TMEM45A: variants seen among roughly 807,000 people sequenced by gnomAD.
The protein encoded by TMEM45A is transmembrane protein 45A, also known as DNA polymerase-transactivated protein 4.
A neutral mutation model predicts 32.0 loss-of-function variants in TMEM45A; 25 were observed. The ratio of observed to expected loss-of-function variants is 0.78; its 90% CI spans 0.57 to 1.09. The LOEUF is 1.09. TMEM45A is among the 50% of genes least tolerant of loss of function. TMEM45A has a pLI of 0.00. For synonymous variants in TMEM45A, 122 were observed against 114.8 expected, an observed-to-expected ratio of 1.06 and a Z score of -0.40; for missense variants, 302 against 325.0, an observed-to-expected ratio of 0.93 and a Z score of 0.54.
At chr3:100,536,456 T>C (rs1196080798) in intron 1 of TMEM45A, among the ~76,000 whole-genome samples, 2 of 152,216 alleles carry the variant, frequency 1.3e-5, no homozygotes, top group Non-Finnish European at 2.9e-5. Flanking sequence ...ATAAGTTCCA[T>C]GAGAACAAAG....
chr3:100,517,494 C>T (rs1708283371), intron 1 of TMEM45A, among the ~76,000 whole-genome samples: 1 of 152,238 alleles, frequency 6.6e-6, no homozygotes, highest in Admixed American at 6.5e-5. Flanking sequence ...TTTGGCACAT[C>T]CACGTAAGGG....
rs112437846 is a variant in TMEM45A at position 100,509,266 on chromosome 3, G to A, written c.-4+16338G>A. Among the ~76,000 whole-genome samples, 1,169 of 152,306 alleles carry A rather than the reference G, an allele frequency of 7.7e-3. 8 individuals are homozygous for A. Among genetic ancestry groups the A allele is most frequent in the Middle Eastern group, 0.031 (9 of 294 alleles). On this transcript the variant is annotated intron_variant, in intron 1 of 5. Transcript: ENST00000323523. ...TCACCCCAGTTGGAATGGCTGTTATGAAAATGACCAAAAGTAATAAATGCT... is the reference window on the plus strand; with the variant it reads ...TCACCCCAGTTGGAATGGCTGTTATAAAAATGACCAAAAGTAATAAATGCT...
At chr3:100,496,133 A>G (rs1707922560) in intron 1 of TMEM45A, among the ~76,000 whole-genome samples, 1 of 151,900 alleles carries the variant, frequency 6.6e-6, no homozygotes, top group Non-Finnish European at 1.5e-5. Context: ...AAGACATTGA[A>G]CCCTTGTGGT....
At chr3:100,560,339 A>G (rs1266241321) in intron 4 of TMEM45A, among the ~76,000 whole-genome samples, 1 of 151,952 alleles carries the variant, frequency 6.6e-6, no homozygotes, top group Non-Finnish European at 1.5e-5. Context: ...ATTTAAACAA[A>G]TACATTTGTC....
intron 1 of TMEM45A, among the ~76,000 whole-genome samples, chr3:100,530,929 T>A (rs1271921692): frequency 2.0e-5 from 3 of 152,192 alleles, no homozygotes; most frequent in Non-Finnish European, 2.9e-5. Flanking sequence ...ATGATATAAT[T>A]TAAATGTTCC....
intron 1 of TMEM45A, among the ~76,000 whole-genome samples, chr3:100,530,934 T>C (rs1450096332): frequency 6.6e-6 from 1 of 152,188 alleles, no homozygotes; most frequent in Non-Finnish European, 1.5e-5. Context: ...ATAATTTAAA[T>C]GTTCCTTTGT....
intron 1 of TMEM45A, among the ~76,000 whole-genome samples, chr3:100,549,199 A>T (rs973461949): frequency 1.3e-5 from 2 of 151,808 alleles, no homozygotes; most frequent in Non-Finnish European, 2.9e-5. Context: ...GTGAGCTGAG[A>T]TTGCCCCACT....
At chr3:100,542,772 A>G (rs1705911391) in intron 1 of TMEM45A, among the ~76,000 whole-genome samples, 1 of 152,220 alleles carries the variant, frequency 6.6e-6, no homozygotes, top group South Asian at 2.1e-4. Context: ...TCCTAGGTGA[A>G]TTAACATAGG....
chr3:100,536,439 C>T (rs1009558484), intron 1 of TMEM45A, among the ~76,000 whole-genome samples: 3 of 152,190 alleles, frequency 2.0e-5, no homozygotes, highest in Non-Finnish European at 4.4e-5. Context: ...TCTTCCTACA[C>T]TAAAAGATAA....
At chr3:100,555,631 C>T (rs1706204769) in intron 2 of TMEM45A, among the ~76,000 whole-genome samples, 1 of 152,188 alleles carries the variant, frequency 6.6e-6, no homozygotes, top group Non-Finnish European at 1.5e-5. Flanking sequence ...CTTCTGCACT[C>T]ATCTTTTTTT....
intron 1 of TMEM45A, among the ~76,000 whole-genome samples, chr3:100,549,966 C>T (rs897937399): frequency 2.8e-5 from 4 of 142,448 alleles, no homozygotes; most frequent in Admixed American, 1.5e-4. Flanking sequence ...TCCAGTCTAT[C>T]GTTGTTGGAC....
At chr3:100,575,363 C>CTTTTTTTTTTT (rs59739893) in intron 5 of TMEM45A, among the ~76,000 whole-genome samples, 31 of 62,762 alleles carry the variant, frequency 4.9e-4, no homozygotes, top group Middle Eastern at 0.015. Context: ...TATGGATTCT[C>CTTTTTTTTTTT]TTTTTTTTTT....
chr3:100,522,293 A>G (rs1028989701), intron 1 of TMEM45A, among the ~76,000 whole-genome samples: 15 of 152,038 alleles, frequency 9.9e-5, no homozygotes, highest in Admixed American at 5.2e-4. Context: ...TGTGTGGGAG[A>G]TGCAGTATCA....
intron 1 of TMEM45A, among the ~76,000 whole-genome samples, chr3:100,502,731 A>G (rs1708022981): frequency 6.6e-6 from 1 of 152,296 alleles, no homozygotes; most frequent in African/African-American, 2.4e-5. Context: ...TTGGCCTCCC[A>G]AAGTGCTGGG....
intron 1 of TMEM45A, among the ~76,000 whole-genome samples, chr3:100,501,666 A>G (rs1455193539): frequency 6.6e-6 from 1 of 152,214 alleles, no homozygotes; most frequent in Non-Finnish European, 1.5e-5. Flanking sequence ...GAAAGGTGGA[A>G]TCTTTCTCAC....
intron 1 of TMEM45A, among the ~76,000 whole-genome samples, chr3:100,529,424 G>C (rs779398148): frequency 6.6e-6 from 1 of 152,148 alleles, no homozygotes; most frequent in Non-Finnish European, 1.5e-5. Context: ...ACTCAAAGAG[G>C]TCATCTCAGC....
intron 1 of TMEM45A, among the ~76,000 whole-genome samples, chr3:100,494,447 C>T (rs1290631279): frequency 1.3e-5 from 2 of 152,098 alleles, no homozygotes; most frequent in African/African-American, 4.8e-5. Flanking sequence ...CATGGTGAAT[C>T]CCTGTCTCTG....
Position 100,505,493 on chromosome 3 carries a change from A to G in TMEM45A, c.-4+12565A>G, listed in dbSNP as rs765221092. 6.4e-4 allele frequency among the ~76,000 whole-genome samples: 97 copies of G among 152,330 alleles called. 1 individual carries two copies. The highest frequency in any genetic ancestry group is 1.6e-3 in the Admixed American group (24 of 15,310). ...TTTAGTGGCAGGAAATTTATGTTTAATAGAATGGAGAATGTGATGTAGCAA... is the reference window on the plus strand; with the variant it reads ...TTTAGTGGCAGGAAATTTATGTTTAGTAGAATGGAGAATGTGATGTAGCAA... On this transcript the variant is annotated intron_variant, in intron 1 of 5. Transcript: ENST00000323523.
rs572476592 is a variant in TMEM45A, at chr3:100,492,922, A to G, written c.-10A>G. On this transcript the variant is annotated 5_prime_UTR_variant, in exon 1 of 6. Coordinates refer to ENST00000323523, the MANE Select transcript of TMEM45A (RefSeq NM_018004.3). ...AAATAAAGTGTTGAGTAAACAGACCAAGTTGGGTAAGTTTTGGATACGTGC... is the reference window on the plus strand; with the variant it reads ...AAATAAAGTGTTGAGTAAACAGACCGAGTTGGGTAAGTTTTGGATACGTGC... The G allele has an allele frequency of 1.2e-4, 18 of 152,134 alleles. No homozygotes were observed. Among genetic ancestry groups the G allele is most frequent in the African/African-American group, 4.3e-4 (18 of 41,492 alleles). The allele number at this position is 152,134 out of a possible 1,614,324, so 9.4% of individuals were successfully genotyped here.
Sources: gnomAD v4.1 joint callset for allele counts (sites outside exome capture counted in the v4.1 genomes callset) on GRCh38, gnomAD v4.1.1 for gene constraint, MANE v1.5 for transcripts, NCBI Gene and HGNC (gene_info 2026-07-23, HGNC 2026-07-21) for gene names.